Variants in DNAH1 observed in about 807,000 individuals in gnomAD.
DNAH1 encodes axonemal beta dynein heavy chain 1.
In DNAH1, 327 loss-of-function variants were observed where a neutral mutation model predicts 484.3. The observed-to-expected ratio is 0.68, with a 90% CI of 0.62 to 0.74. DNAH1 has a LOEUF of 0.74. Ranked by LOEUF, DNAH1 falls within the 30% of genes least tolerant of loss-of-function variation. DNAH1 has a pLI of 0.00. For synonymous variants in DNAH1, 2,192 were observed against 2,191.9 expected, an observed-to-expected ratio of 1.00 and a Z score of 0.00; for missense variants, 5,052 against 5,546.8, an observed-to-expected ratio of 0.91 and a Z score of 2.83.
intron 8 of DNAH1, among the ~76,000 whole-genome samples, chr3:52,337,986 G>T (rs1197401131): frequency 1.3e-5 from 2 of 152,072 alleles, no homozygotes; most frequent in Non-Finnish European, 2.9e-5. Flanking sequence ...TAGAGACAGG[G>T]TGTCCCTATG....
rs926434296 is a variant in DNAH1, at chr3:52,394,793, C to T, written c.10824-122C>T. The T allele has an allele frequency of 8.7e-6, 13 of 1,485,870 alleles. No individual in the cohort carries two copies. In the African/African-American group the frequency reaches 1.5e-4, roughly 18 times the overall value. The allele number at this position is 1,485,870 out of a possible 1,614,324, so 92.0% of individuals were successfully genotyped here. ...TGGCTGTGGCCACATCTCCTCTGTGCCTCCAGTGCCATACCCCTGGGATAG... is the reference window on the plus strand; with the variant it reads ...TGGCTGTGGCCACATCTCCTCTGTGTCTCCAGTGCCATACCCCTGGGATAG... On this transcript the variant is annotated intron_variant, in intron 67 of 77. Coordinates refer to ENST00000420323, the MANE Select transcript of DNAH1 (RefSeq NM_015512.5).
Position 52,399,602 on chromosome 3 carries a change from C to CA in DNAH1, c.12500dup (p.His4167GlnfsTer19). The CA allele has an allele frequency of 6.2e-7, 1 of 1,613,992 alleles. No individual in the cohort carries two copies. On this transcript the variant is annotated frameshift_variant, in exon 77 of 78. Coordinates refer to ENST00000420323, the MANE Select transcript of DNAH1 (RefSeq NM_015512.5). LOFTEE classifies it high-confidence loss of function. The stretch of plus-strand genomic sequence containing the variant: ...AAGACCCCAAGTAGGGTGCTATATC[C>CA]ATGGATTATTCCTGGAAGGTGCCCG...
intron 41 of DNAH1, among the ~76,000 whole-genome samples, chr3:52,371,187 G>T (rs1456893129): frequency 6.6e-6 from 1 of 152,210 alleles, no homozygotes; most frequent in Non-Finnish European, 1.5e-5. Context: ...CCCGAGGGCT[G>T]GGGGGCAAGC....
rs144580984 is a variant in DNAH1, at chr3:52,375,397, C to A, written c.7143C>A (p.Ile2381=). 14 of 1,613,372 alleles carry A rather than the reference C, an allele frequency of 8.7e-6. No individual in the cohort carries two copies. The highest frequency in any genetic ancestry group is 7.7e-5 in the South Asian group (7 of 90,932). Residue 2381 remains isoleucine (I), a synonymous_variant, in exon 45 of 78, where the codon ATC becomes ATA. Coordinates refer to ENST00000420323, the MANE Select transcript of DNAH1 (RefSeq NM_015512.5). The part of the protein sequence containing the change: ...EVSKKRIFST[I]LGNWLDGLLG... ...GCAAGAAACGCATCTTCTCCACCAT[C>A]CTGGGCAACTGGTTGGGTGAGTATT...
rs752123727 is a variant in DNAH1 at position 52,396,702 on chromosome 3, T to C, written c.11515T>C (p.Phe3839Leu). ...GCGCCGTAAGTTTGGGCCCCTGGGC[T>C]TCAACATCCCCTATGAGTTCACGGA... ...LERRKFGPLGFNIPYEFTDGD... is the reference protein window; with the variant it reads ...LERRKFGPLGLNIPYEFTDGD... Residue 3839 changes from phenylalanine to leucine, a missense_variant, in exon 72 of 78, where the codon TTC (phenylalanine) becomes CTC (leucine). Transcript: ENST00000420323. 2.5e-5 allele frequency: 41 copies of C among 1,613,676 alleles called. No individual in the cohort carries two copies. Among genetic ancestry groups the C allele is most frequent in the Non-Finnish European group, 3.3e-5 (39 of 1,179,892 alleles).
chr3:52,362,382 C>T lies in DNAH1; in HGVS notation c.4981-6C>T, dbSNP rs1216810685. ...TCCCAGGCAAGTCAGCCTCTCCCCA[C>T]TGCAGGTGGAACGCTTCATGTTTGA... is the stretch of plus-strand genomic sequence containing the variant. On this transcript the variant is annotated splice_polypyrimidine_tract_variant and splice_region_variant and intron_variant, in intron 30 of 77. Coordinates refer to ENST00000420323, the MANE Select transcript of DNAH1 (RefSeq NM_015512.5). This position sits in a 1 kb window ranked among gnomAD's most constrained non-coding sequence, Gnocchi z 5.1. The T allele has an allele frequency of 1.9e-6, 3 of 1,612,428 alleles. No individual in the cohort carries two copies. Among genetic ancestry groups the T allele is most frequent in the Non-Finnish European group, 2.5e-6 (3 of 1,179,304 alleles).
At chr3:52,399,445 A>G in intron 76 of DNAH1, 100 bp from the exon 77 acceptor site, 1 of 1,087,468 alleles carries the variant, frequency 9.2e-7, no homozygotes, top group Non-Finnish European at 1.3e-6. Context: ...ATGGGCAGGC[A>G]GGCAGCATTA....
At chr3:52,384,155 C>T (rs1398684295) in intron 52 of DNAH1, 124 bp downstream of exon 52, 2 of 1,032,538 alleles carry the variant, frequency 1.9e-6, no homozygotes, top group African/African-American at 1.6e-5. Flanking sequence ...TTTGGTCAGG[C>T]TGTGTTTCCT....
At position 52,346,719 on chromosome 3, in the gene DNAH1, A is replaced by C; in HGVS notation, c.1904A>C (p.Asn635Thr). The stretch of plus-strand genomic sequence containing the variant: ...AGCGACACCTGTTGCAGCGTGCTCA[A>C]CTGCACCGATGACATGGTCTGGGGT... Reference protein sequence around the residue: ...FISDTCCSVLNCTDDMVWGDD... With the variant: ...FISDTCCSVLTCTDDMVWGDD... Residue 635 changes from asparagine to threonine, a missense_variant, in exon 11 of 78, where the codon AAC becomes ACC. Coordinates refer to ENST00000420323, the MANE Select transcript of DNAH1 (RefSeq NM_015512.5). 6.2e-7 allele frequency: 1 copy of C among 1,613,726 alleles called. No homozygotes were observed. The highest frequency in any genetic ancestry group is 8.5e-7 in the Non-Finnish European group (1 of 1,179,664).
Position 52,344,635 on chromosome 3 carries a change from G to A in DNAH1, c.1432G>A (p.Val478Met), listed in dbSNP as rs1702073688. 6.2e-7 allele frequency: 1 copy of A among 1,613,160 alleles called. No homozygotes were observed. The highest frequency in any genetic ancestry group is 1.3e-5 in the African/African-American group (1 of 74,948). ...CCTCCCCAAGAAGGAGGAGGAGCAG[G>A]TGCCTGAGCGAGGTGAGGGTCACTG... ...VTLPKKEEEQ[V>M]PERGLVSVPK... The change falls in exon 9 of 78, where the codon GTG becomes ATG. Residue 478 changes from valine (V) to methionine (M), a missense_variant. This residue lies in a region of DNAH1 where 1,263 missense variants were observed against 1,218.8 expected (regional missense o/e 1.04). Coordinates refer to ENST00000420323, the MANE Select transcript of DNAH1 (RefSeq NM_015512.5).
rs373255914 is a variant in DNAH1, at chr3:52,365,028, C to T, written c.5518+9C>T. On this transcript the variant is annotated intron_variant, in intron 34 of 77. Transcript: ENST00000420323. ...CCTCAAGGATGTGGAGGGTGAGCCT[C>T]GGGCCCTGAGTGTTCGTGGAGGGGC... 215 of 1,603,354 alleles carry T rather than the reference C, an allele frequency of 1.3e-4. No homozygotes were observed. In the African/African-American group the frequency reaches 1.7e-3, roughly 13 times the overall value.
chr3:52,323,890 C>T lies in DNAH1; in HGVS notation c.406+10C>T, dbSNP rs768224109. On this transcript the variant is annotated intron_variant, in intron 3 of 77. Coordinates refer to ENST00000420323, the MANE Select transcript of DNAH1 (RefSeq NM_015512.5). The stretch of plus-strand genomic sequence containing the variant: ...AAGTTCACCCCAAGAGGTCAGTGCT[C>T]AGGAGGGCTGTGTGAGTGGGTCCCG... 1.3e-6 allele frequency: 2 copies of T among 1,565,886 alleles called. No individual in the cohort carries two copies. Among genetic ancestry groups the T allele is most frequent in the Non-Finnish European group, 1.7e-6 (2 of 1,154,708 alleles).
At chr3:52,385,268 G>A (rs1212998562) in intron 53 of DNAH1, 69 bp from the exon 54 acceptor site, 10 of 1,445,112 alleles carry the variant, frequency 6.9e-6, no homozygotes, top group East Asian at 2.5e-5. Context: ...GAATGAGGGC[G>A]GCCCAGCAGG....
rs746620362 is a variant in DNAH1 at position 52,344,639 on chromosome 3, C to G, written c.1436C>G (p.Pro479Arg). Residue 479 changes from proline to arginine, a missense_variant, in exon 9 of 78, where the codon CCT becomes CGT. Coordinates refer to ENST00000420323, the MANE Select transcript of DNAH1 (RefSeq NM_015512.5). ...TLPKKEEEQVPERGLVSVPKY... is the reference protein window; with the variant it reads ...TLPKKEEEQVRERGLVSVPKY... Reference sequence around the variant, plus strand: ...CCCAAGAAGGAGGAGGAGCAGGTGCCTGAGCGAGGTGAGGGTCACTGGACC... The same window carrying G: ...CCCAAGAAGGAGGAGGAGCAGGTGCGTGAGCGAGGTGAGGGTCACTGGACC... 3 of 1,612,918 alleles carry G rather than the reference C, an allele frequency of 1.9e-6. No individual in the cohort carries two copies. Among genetic ancestry groups the G allele is most frequent in the Admixed American group, 1.7e-5 (1 of 59,978 alleles).
rs571211400 is a variant in DNAH1, at chr3:52,336,118, G to T, written c.1286+3724G>T. Reference sequence around the variant, plus strand: ...TTGCTGTGCAAAAGCTCTTGAATTAGGTCCCACTCTTCAATTTTTGTTTTT... The same window carrying T: ...TTGCTGTGCAAAAGCTCTTGAATTATGTCCCACTCTTCAATTTTTGTTTTT... On this transcript the variant is annotated intron_variant, in intron 8 of 77. Transcript: ENST00000420323. Among the ~76,000 whole-genome samples, 2 of 152,208 alleles carry T rather than the reference G, an allele frequency of 1.3e-5. 1 individual carries two copies. The highest frequency in any genetic ancestry group is 4.2e-4 in the South Asian group (2 of 4,814).
rs1032567734 is a variant in DNAH1, at chr3:52,374,764, A to G, written c.6986-476A>G. On this transcript the variant is annotated intron_variant, in intron 44 of 77. Coordinates refer to ENST00000420323, the MANE Select transcript of DNAH1 (RefSeq NM_015512.5). ...CTGAATCTGTTCATAGAGATGGAAC[A>G]AAAGCTGTTTGATGACTGTACACAA... The G allele has an allele frequency of 1.1e-4, 131 of 1,152,568 alleles. 1 individual carries two copies. In the Admixed American group the frequency reaches 2.3e-3, roughly 20 times the overall value. 71.4% of individuals were successfully genotyped at this position (1,152,568 alleles called of 1,614,324 possible).
intron 76 of DNAH1, 114 bp from the exon 77 acceptor site, chr3:52,399,431 G>T: frequency 9.6e-7 from 1 of 1,042,386 alleles, no homozygotes; most frequent in Non-Finnish European, 1.4e-6. Flanking sequence ...GTAGGTACGT[G>T]ATGATGGGCA....
rs768391883 is a variant in DNAH1 at position 52,386,901 on chromosome 3, C to T, written c.9003+48C>T. The T allele has an allele frequency of 3.9e-5, 58 of 1,488,590 alleles. No individual in the cohort carries two copies. The South Asian group carries it at 6.5e-4, about 17-fold the overall frequency. The allele number at this position is 1,488,590 out of a possible 1,614,324, so 92.2% of individuals were successfully genotyped here. The stretch of plus-strand genomic sequence containing the variant: ...CCAGCCAGCGAGTGAGGACAAGGCC[C>T]GCCCGGCAGGACAGTGAAGCTGGAG... On this transcript the variant is annotated intron_variant, in intron 56 of 77. Coordinates refer to ENST00000420323, the MANE Select transcript of DNAH1 (RefSeq NM_015512.5).
At chr3:52,318,848 CCCTTAAAGTCGCAGAT>C (rs2153222374) in intron 1 of DNAH1, among the ~76,000 whole-genome samples, 1 of 152,196 alleles carries the variant, frequency 6.6e-6, no homozygotes, top group Admixed American at 6.5e-5. Flanking sequence ...CTTCCCAAAT[CCCTTAAAGTCGCAGAT>C]CCATTTGTCT....
Sources: gnomAD v4.1 joint callset for allele counts (sites outside exome capture counted in the v4.1 genomes callset) on GRCh38, gnomAD v4.1.1 for gene constraint, gnomAD v4.1.1 regional missense constraint, Gnocchi (gnomAD v3.1) non-coding constraint, MANE v1.5 for transcripts, NCBI Gene and HGNC (gene_info 2026-07-23, HGNC 2026-07-21) for gene names.